The following C13orf42 variants were observed in gnomAD, a reference collection of about 807,000 sequenced individuals.
C13orf42 encodes the protein uncharacterized protein C13orf42.
intron 1 of C13orf42, among the ~76,000 whole-genome samples, chr13:51,141,585 G>A (rs1593549643): frequency 6.6e-6 from 1 of 152,068 alleles, no homozygotes; most frequent in East Asian, 1.9e-4. Flanking sequence ...GGGTCATGAG[G>A]TCAGGAGTTC....
At chr13:51,109,108 T>C (rs544194199) in intron 1 of C13orf42, among the ~76,000 whole-genome samples, 2 of 152,326 alleles carry the variant, frequency 1.3e-5, no homozygotes, top group East Asian at 3.9e-4. Flanking sequence ...CCCACAGATC[T>C]ACAGCTGGCT....
intron 1 of C13orf42, among the ~76,000 whole-genome samples, chr13:51,141,559 G>T (rs1194409206): frequency 6.6e-6 from 1 of 152,046 alleles, no homozygotes; most frequent in Non-Finnish European, 1.5e-5. Context: ...CAGTACTTTG[G>T]GAGGCTGAGG....
chr13:51,123,066 G>A (rs1377230761), intron 1 of C13orf42, among the ~76,000 whole-genome samples: 1 of 152,154 alleles, frequency 6.6e-6, no homozygotes, highest in Non-Finnish European at 1.5e-5. Context: ...ATCTTATCCA[G>A]AGAGCAAGCT....
At chr13:51,153,630 C>CTTTTTT (rs1206289963) in intron 1 of C13orf42, among the ~76,000 whole-genome samples, 5 of 81,202 alleles carry the variant, frequency 6.2e-5, no homozygotes, top group Admixed American at 1.5e-4. Flanking sequence ...TGTTTTTTTT[C>CTTTTTT]TTTTTTTTTT....
At chr13:51,121,236 G>A (rs547840986) in intron 1 of C13orf42, among the ~76,000 whole-genome samples, 6 of 151,740 alleles carry the variant, frequency 4.0e-5, no homozygotes, top group Middle Eastern at 6.8e-3. Flanking sequence ...GACCTAGAAC[G>A]GTGCCATGGG....
rs1339127723 is a variant in C13orf42, at chr13:51,083,879, C to T, written c.*272G>A. The T allele has an allele frequency of 1.1e-5, 3 of 281,342 alleles. No individual in the cohort carries two copies. In the East Asian group the frequency reaches 1.8e-4, roughly 17 times the overall value. The allele number at this position is 281,342 out of a possible 1,614,324, so 17.4% of individuals were successfully genotyped here. A position where few individuals can be genotyped will look rare whatever the true frequency, so the allele number is the denominator to read the frequency against. On this transcript the variant is annotated 3_prime_UTR_variant, in exon 4 of 4. Coordinates refer to ENST00000563710, the MANE Select transcript of C13orf42 (RefSeq NM_001351589.3). ...GCCCAGACACTCCACTCAAGACCTTCCATTCCTTCAGCTCTTGAAGACCAG... is the reference window on the plus strand; with the variant it reads ...GCCCAGACACTCCACTCAAGACCTTTCATTCCTTCAGCTCTTGAAGACCAG...
chr13:51,134,876 A>G (rs1011847481), intron 1 of C13orf42, among the ~76,000 whole-genome samples: 1 of 152,030 alleles, frequency 6.6e-6, no homozygotes, highest in Admixed American at 6.6e-5. Flanking sequence ...CTGCAGTAAC[A>G]CCTCCCGGCC....
chr13:51,153,561 T>C (rs73488030), intron 1 of C13orf42, among the ~76,000 whole-genome samples: 3 of 152,018 alleles, frequency 2.0e-5, no homozygotes, highest in African/African-American at 7.2e-5. Context: ...CCATTTTAAG[T>C]GTACTGCTCA....
chr13:51,089,704 T>C (rs1953163339), intron 1 of C13orf42, among the ~76,000 whole-genome samples: 1 of 151,920 alleles, frequency 6.6e-6, no homozygotes, highest in African/African-American at 2.4e-5. Context: ...CTCCTGGTGC[T>C]TCTGCTCCAT....
upstream of C13orf42, among the ~76,000 whole-genome samples, chr13:51,113,484 A>C (rs1006470428): frequency 4.5e-4 from 69 of 152,178 alleles, 1 homozygote; most frequent in Non-Finnish European, 6.9e-4. Flanking sequence ...GACTGCCTTT[A>C]ACGTATCTTA....
intron 1 of C13orf42, among the ~76,000 whole-genome samples, chr13:51,106,328 G>A (rs1953355683): frequency 6.6e-6 from 1 of 152,310 alleles, no homozygotes; most frequent in East Asian, 1.9e-4. Flanking sequence ...GTATGACGCA[G>A]CTGCCTCCCT....
At chr13:51,128,707 G>A (rs944663929) in intron 1 of C13orf42, among the ~76,000 whole-genome samples, 1 of 152,100 alleles carries the variant, frequency 6.6e-6, no homozygotes, top group Non-Finnish European at 1.5e-5. Flanking sequence ...TATTCTCTTT[G>A]GATTAATCTG....
chr13:51,145,132 T>G (rs1248980945), intron 1 of C13orf42, among the ~76,000 whole-genome samples: 2 of 113,544 alleles, frequency 1.8e-5, no homozygotes, highest in African/African-American at 7.0e-5. Flanking sequence ...TGTTTTCAAT[T>G]TTTTTTCCTT....
chr13:51,153,621 G>GGTTTTTTTTTTT (rs1953799310), intron 1 of C13orf42, among the ~76,000 whole-genome samples: 1 of 82,034 alleles, frequency 1.2e-5, no homozygotes, highest in East Asian at 3.4e-4. Flanking sequence ...CTTGCTTTCT[G>GGTTTTTTTTTTT]TTTTTTTTCT....
intron 1 of C13orf42, among the ~76,000 whole-genome samples, chr13:51,130,464 G>A (rs1953607876): frequency 6.6e-6 from 1 of 152,302 alleles, no homozygotes; most frequent in East Asian, 1.9e-4. Context: ...AAAGAGGGAT[G>A]TTTAGGACAA....
At chr13:51,150,703 T>C (rs1953771987) in intron 1 of C13orf42, among the ~76,000 whole-genome samples, 2 of 152,166 alleles carry the variant, frequency 1.3e-5, no homozygotes, top group Non-Finnish European at 2.9e-5. Context: ...TCACTGCTTG[T>C]GCCACCAGAA....
intron 1 of C13orf42, among the ~76,000 whole-genome samples, chr13:51,167,701 C>G (rs564843450): frequency 6.6e-6 from 1 of 152,252 alleles, no homozygotes; most frequent in Admixed American, 6.5e-5. Context: ...AGTCTCAGGG[C>G]TCCATTTATT....
At chr13:51,102,168 G>A (rs576950881) in intron 1 of C13orf42, among the ~76,000 whole-genome samples, 1 of 152,140 alleles carries the variant, frequency 6.6e-6, no homozygotes, top group Admixed American at 6.5e-5. Context: ...AAGTGATACA[G>A]ACAGCTCCCC....
chr13:51,157,160 G>A (rs1953830358), intron 1 of C13orf42, among the ~76,000 whole-genome samples: 1 of 152,200 alleles, frequency 6.6e-6, no homozygotes, highest in Non-Finnish European at 1.5e-5. Flanking sequence ...CTGGCCAGGA[G>A]CGGTGGCTGC....
Sources: gnomAD v4.1 joint callset for allele counts (sites outside exome capture counted in the v4.1 genomes callset) on GRCh38, gnomAD v4.1.1 for gene constraint, MANE v1.5 for transcripts, NCBI Gene and HGNC (gene_info 2026-07-23, HGNC 2026-07-21) for gene names.